Variants in SMIM36 observed in about 807,000 individuals in gnomAD.
The protein encoded by SMIM36 is small integral membrane protein 36.
intron 1 of SMIM36, among the ~76,000 whole-genome samples, chr17:55,492,287 G>A (rs1909723871): frequency 8.1e-6 from 1 of 122,988 alleles, no homozygotes; most frequent in Non-Finnish European, 1.6e-5. Flanking sequence ...TCTGTCACCA[G>A]GCTGGATTGC....
At chr17:55,462,455 T>TA (rs1909162622) in intron 4 of SMIM36, among the ~76,000 whole-genome samples, 1 of 151,918 alleles carries the variant, frequency 6.6e-6, no homozygotes, top group African/African-American at 2.4e-5. Context: ...TACAAAAATT[T>TA]AAAAAATTAG....
At chr17:55,529,508 C>G in the SMIM36 span, among the ~76,000 whole-genome samples, 3 of 152,008 alleles carry the variant, frequency 2.0e-5, no homozygotes, top group African/African-American at 7.3e-5. Context: ...TGGCTCACGC[C>G]TGTAATCCCA....
At chr17:55,493,057 T>C (rs543795690) in intron 1 of SMIM36, among the ~76,000 whole-genome samples, 1 of 152,314 alleles carries the variant, frequency 6.6e-6, no homozygotes, top group South Asian at 2.1e-4. Flanking sequence ...GCATGCATTC[T>C]GTGAAAGGAA....
chr17:55,497,858 A>AAT (rs1909836023), intron 1 of SMIM36, among the ~76,000 whole-genome samples: 3 of 152,130 alleles, frequency 2.0e-5, no homozygotes, highest in Non-Finnish European at 1.5e-5. Context: ...CATGTAACTG[A>AAT]CCCTAAAGAG....
intron 1 of SMIM36, among the ~76,000 whole-genome samples, chr17:55,507,943 GCTGGCAGTCCCTTTACAAGGCA>G (rs1456450865): frequency 6.6e-6 from 1 of 152,082 alleles, no homozygotes; most frequent in Non-Finnish European, 1.5e-5. Flanking sequence ...AAAGAGCTCT[GCTGGCAGTCCCTTTACAAGGCA>G]CTGGAGAAAC....
the SMIM36 span, among the ~76,000 whole-genome samples, chr17:55,530,951 A>G: frequency 6.6e-6 from 1 of 152,164 alleles, no homozygotes; most frequent in African/African-American, 2.4e-5. Flanking sequence ...GGAAATAAAT[A>G]AAATTTCCTA....
intron 3 of SMIM36, among the ~76,000 whole-genome samples, chr17:55,472,197 C>T (rs548034159): frequency 1.6e-4 from 24 of 152,274 alleles, no homozygotes; most frequent in Non-Finnish European, 2.6e-4. Context: ...CTTGGTTTAT[C>T]GATGGCAGTT....
chr17:55,515,847 A>G (rs188782525), upstream of SMIM36, among the ~76,000 whole-genome samples: 28 of 152,364 alleles, frequency 1.8e-4, no homozygotes, highest in Non-Finnish European at 3.7e-4. Context: ...TAGCAGTCCT[A>G]GGAAACTAAC....
chr17:55,530,135 G>T, the SMIM36 span, among the ~76,000 whole-genome samples: 3 of 152,238 alleles, frequency 2.0e-5, no homozygotes. Flanking sequence ...TCCCCAGAAG[G>T]ATCTCTAAAC....
At chr17:55,477,428 A>T (rs896913148) in intron 3 of SMIM36, among the ~76,000 whole-genome samples, 1 of 152,016 alleles carries the variant, frequency 6.6e-6, no homozygotes, top group Non-Finnish European at 1.5e-5. Flanking sequence ...CATGCCTTAG[A>T]CTGTCTTCTA....
intron 3 of SMIM36, among the ~76,000 whole-genome samples, chr17:55,476,324 A>T (rs554742306): frequency 1.7e-4 from 26 of 151,842 alleles, no homozygotes; most frequent in African/African-American, 6.0e-4. Context: ...TGTGACCCCT[A>T]CCCCTGCCCA....
intron 1 of SMIM36, among the ~76,000 whole-genome samples, chr17:55,500,648 A>G (rs1185760162): frequency 6.7e-6 from 1 of 150,028 alleles, no homozygotes; most frequent in African/African-American, 2.4e-5. Flanking sequence ...TGTTCAATGC[A>G]TCTAATATTG....
intron 1 of SMIM36, among the ~76,000 whole-genome samples, chr17:55,481,040 TTC>T (rs566709022): frequency 1.3e-5 from 2 of 152,024 alleles, no homozygotes; most frequent in Non-Finnish European, 1.5e-5. Flanking sequence ...ATTCTCTTTA[TTC>T]TCTCTCTCTG....
At chr17:55,493,861 C>T (rs1177239745) in intron 1 of SMIM36, among the ~76,000 whole-genome samples, 2 of 148,796 alleles carry the variant, frequency 1.3e-5, no homozygotes, top group African/African-American at 2.5e-5. Context: ...TAATTTGGAG[C>T]CAAAGTGGGC....
intron 1 of SMIM36, among the ~76,000 whole-genome samples, chr17:55,501,333 AATATATT>A (rs1203488979): frequency 7.4e-5 from 4 of 54,144 alleles, no homozygotes; most frequent in Non-Finnish European, 1.0e-4. Flanking sequence ...TATAATATAT[AATATATT>A]ATATATTATA....
chr17:55,481,556 ATTAAG>A (rs1268391772), intron 1 of SMIM36, among the ~76,000 whole-genome samples: 2 of 152,210 alleles, frequency 1.3e-5, no homozygotes, highest in Non-Finnish European at 2.9e-5. Context: ...AGAAGGCTAG[ATTAAG>A]TTCTGTATTT....
At chr17:55,487,659 G>T (rs757085516) in intron 1 of SMIM36, among the ~76,000 whole-genome samples, 1 of 152,200 alleles carries the variant, frequency 6.6e-6, no homozygotes, top group South Asian at 2.1e-4. Context: ...AGGGATGCCT[G>T]GGTCAGTCCT....
the SMIM36 span, among the ~76,000 whole-genome samples, chr17:55,526,180 G>A: frequency 6.6e-6 from 1 of 151,906 alleles, no homozygotes; most frequent in African/African-American, 2.4e-5. Context: ...GTCTCACTCT[G>A]TCCTCCAGGC....
intron 4 of SMIM36, among the ~76,000 whole-genome samples, chr17:55,466,498 C>T (rs1482625665): frequency 6.6e-6 from 1 of 152,120 alleles, no homozygotes. Flanking sequence ...TAATCACATT[C>T]TGAAAAGTTG....
Sources: allele counts gnomAD v4.1 joint callset (sites outside exome capture counted in the v4.1 genomes callset), GRCh38; gene constraint gnomAD v4.1.1; transcripts MANE v1.5; gene names NCBI Gene and HGNC (gene_info 2026-07-23, HGNC 2026-07-21).